The following SLC16A9 variants were observed in gnomAD, a reference collection of about 807,000 sequenced individuals.
The protein encoded by SLC16A9 is monocarboxylate transporter 9.
A neutral mutation model predicts 44.3 loss-of-function variants in SLC16A9; 26 were observed. The observed-to-expected ratio is 0.59, with a 90% confidence interval of 0.43 to 0.81. The LOEUF is 0.81. SLC16A9 is among the 40% of genes least tolerant of loss of function. The pLI, the probability that SLC16A9 is intolerant of heterozygous loss-of-function variation, is 0.00. For synonymous variants in SLC16A9, 230 were observed against 225.1 expected (o/e 1.02, Z -0.19); for missense variants, 559 against 595.8 (o/e 0.94, Z 0.64).
Position 59,654,588 on chromosome 10 carries a change from A to T in SLC16A9, c.438T>A (p.Gly146=), listed in dbSNP as rs1388601804. ...RGLALGLIST[G]SSVGLFIYAA... ...CATATATGAAAAGGCCAACGCTTGAACCTAAAAAGGGAATGGGAACTGTTC... is the reference window on the plus strand; with the variant it reads ...CATATATGAAAAGGCCAACGCTTGATCCTAAAAAGGGAATGGGAACTGTTC... Residue 146 remains glycine, a splice_region_variant and synonymous_variant, in exon 5 of 6, where the codon GGT becomes GGA. Coordinates refer to ENST00000395348, the MANE Select transcript of SLC16A9 (RefSeq NM_194298.3). 1.2e-5 allele frequency: 19 copies of T among 1,566,794 alleles called. No individual in the cohort carries two copies. Among genetic ancestry groups the T allele is most frequent in the Non-Finnish European group, 1.5e-5 (18 of 1,163,116 alleles).
At chr10:59,689,627 C>T (rs903147994) in intron 1 of SLC16A9, among the ~76,000 whole-genome samples, 3 of 152,266 alleles carry the variant, frequency 2.0e-5, no homozygotes, top group Non-Finnish European at 4.4e-5. Context: ...CTAGAGATAC[C>T]GAAGCCTGGT....
intron 1 of SLC16A9, among the ~76,000 whole-genome samples, chr10:59,691,215 G>T (rs1028087285): frequency 6.6e-6 from 1 of 152,206 alleles, no homozygotes. Context: ...ATGAAAATGT[G>T]TTTCTAAGAA....
chr10:59,694,028 C>T (rs1445775617), intron 1 of SLC16A9, among the ~76,000 whole-genome samples: 2 of 151,960 alleles, frequency 1.3e-5, no homozygotes, highest in Admixed American at 1.3e-4. Context: ...AGCTCCGCCT[C>T]CCGGGTTCAG....
chr10:59,684,164 G>T lies in SLC16A9; in HGVS notation c.128C>A (p.Ala43Asp), dbSNP rs752279993. 6.2e-7 allele frequency: 1 copy of T among 1,613,712 alleles called. No individual in the cohort carries two copies. Among genetic ancestry groups the T allele is most frequent in the Admixed American group, 1.7e-5 (1 of 59,970 alleles). The change falls in exon 2 of 6, where the codon GCC becomes GAC. Residue 43 changes from alanine (A) to aspartate (D), a missense_variant. Physicochemically the swap from Ala to Asp is moderately radical, Grantham distance 126 (BLOSUM62 -2). Coordinates refer to ENST00000395348, the MANE Select transcript of SLC16A9 (RefSeq NM_194298.3). Reference sequence around the variant, plus strand: ...TGTTTTTCCTTTTCCTTCACCAAAGGCATCCAGCCATTCTATGTACAGGAC... The same window carrying T: ...TGTTTTTCCTTTTCCTTCACCAAAGTCATCCAGCCATTCTATGTACAGGAC... ...VGVLYIEWLD[A>D]FGEGKGKTAW...
chr10:59,681,380 C>A, intron 2 of SLC16A9, among the ~76,000 whole-genome samples: 1 of 149,368 alleles, frequency 6.7e-6, no homozygotes, highest in Non-Finnish European at 1.5e-5. Flanking sequence ...TATGCTGAAA[C>A]TTGTACACAA....
intron 1 of SLC16A9, among the ~76,000 whole-genome samples, chr10:59,696,142 C>T (rs1249412874): frequency 6.6e-6 from 1 of 152,162 alleles, no homozygotes; most frequent in Non-Finnish European, 1.5e-5. Flanking sequence ...CACGGTCTCC[C>T]TCTGATGCCC....
chr10:59,709,896 A>AGGC (rs1307371449), upstream of SLC16A9: 1 of 153,156 alleles, frequency 6.5e-6, no homozygotes, highest in Non-Finnish European at 1.4e-5. Context: ...GAGGAGGAGG[A>AGGC]GGCGGAGGAG....
At chr10:59,661,647 A>G (rs1839477538) in intron 4 of SLC16A9, among the ~76,000 whole-genome samples, 1 of 152,188 alleles carries the variant, frequency 6.6e-6, no homozygotes, top group Non-Finnish European at 1.5e-5. Flanking sequence ...GAAAAAAACT[A>G]CTTTAAATTT....
intron 1 of SLC16A9, among the ~76,000 whole-genome samples, chr10:59,687,291 A>G (rs1005630171): frequency 6.6e-6 from 1 of 152,212 alleles, no homozygotes; most frequent in African/African-American, 2.4e-5. Context: ...TCTTGTTCTT[A>G]ACTTTAGTGG....
intron 3 of SLC16A9, among the ~76,000 whole-genome samples, chr10:59,671,924 AT>A (rs1839759081): frequency 6.6e-6 from 1 of 152,240 alleles, no homozygotes; most frequent in Non-Finnish European, 1.5e-5. Flanking sequence ...TCCCTAGCAT[AT>A]GATAAGTACA....
intron 2 of SLC16A9, among the ~76,000 whole-genome samples, chr10:59,682,041 G>T (rs1456798175): frequency 6.6e-6 from 1 of 151,904 alleles, no homozygotes; most frequent in Non-Finnish European, 1.5e-5. Context: ...AAAGGCAGTG[G>T]ACCTAGAGAG....
intron 1 of SLC16A9, among the ~76,000 whole-genome samples, chr10:59,704,194 C>G (rs1840590178): frequency 6.6e-6 from 1 of 152,166 alleles, no homozygotes; most frequent in African/African-American, 2.4e-5. Context: ...CCAGGTCCTT[C>G]TACTCCCTAA....
At chr10:59,703,725 CG>C (rs770347317) in intron 1 of SLC16A9, among the ~76,000 whole-genome samples, 5 of 145,922 alleles carry the variant, frequency 3.4e-5, no homozygotes, top group Admixed American at 6.9e-5. Flanking sequence ...TTTTTTTTTT[CG>C]TTTTTTTTTT....
At position 59,671,233 on chromosome 10, in the gene SLC16A9, C is replaced by T. The variant is rs371318279; in HGVS notation, c.340+1537G>A. On this transcript the variant is annotated intron_variant, in intron 3 of 5. Coordinates refer to ENST00000395348, the MANE Select transcript of SLC16A9 (RefSeq NM_194298.3). ...CCTATTGCCAAATCAGAGCTATGTACATCCTCAGACCTGAGCCTGTTTTCT... is the reference window on the plus strand; with the variant it reads ...CCTATTGCCAAATCAGAGCTATGTATATCCTCAGACCTGAGCCTGTTTTCT... Among the ~76,000 whole-genome samples, 3 of 152,176 alleles carry T rather than the reference C, an allele frequency of 2.0e-5. No homozygotes were observed. The East Asian group carries it at 5.8e-4, about 29-fold the overall frequency.
rs374460830 is a variant in SLC16A9, at chr10:59,652,724, G to A, written c.*48C>T. On this transcript the variant is annotated 3_prime_UTR_variant, in exon 6 of 6. Transcript: ENST00000395348. ...TTGCTTGAGAATCTGTTAAAATATC[G>A]TTGCTATATGGTATAAAATAGCAAA... 235 of 1,466,408 alleles carry A rather than the reference G, an allele frequency of 1.6e-4. No homozygotes were observed. Among genetic ancestry groups the A allele is most frequent in the Non-Finnish European group, 2.0e-4 (220 of 1,095,792 alleles). 90.8% of individuals were successfully genotyped at this position (1,466,408 alleles called of 1,614,324 possible). A position where few individuals can be genotyped will look rare whatever the true frequency, so the allele number is the denominator to read the frequency against.
chr10:59,687,809 A>G (rs1255940925), intron 1 of SLC16A9, among the ~76,000 whole-genome samples: 1 of 152,108 alleles, frequency 6.6e-6, no homozygotes. Context: ...AAAAAATACA[A>G]AAATTAGACT....
chr10:59,682,066 A>G (rs963200468), intron 2 of SLC16A9, among the ~76,000 whole-genome samples: 1 of 152,060 alleles, frequency 6.6e-6, no homozygotes, highest in Non-Finnish European at 1.5e-5. Context: ...AGTGACTTGC[A>G]TAAGGTCACT....
At position 59,707,482 on chromosome 10, in the gene SLC16A9, CA is replaced by C. The variant is rs367924657; in HGVS notation, c.-37+1996del. Among the ~76,000 whole-genome samples, 627 of 148,190 alleles carry C rather than the reference CA, an allele frequency of 4.2e-3. 3 individuals carry two copies. Among genetic ancestry groups the C allele is most frequent in the African/African-American group, 0.015 (584 of 40,100 alleles). On this transcript the variant is annotated intron_variant, in intron 1 of 5. Coordinates refer to ENST00000395348, the MANE Select transcript of SLC16A9 (RefSeq NM_194298.3). Reference sequence around the variant, plus strand: ...ATACAAAATTTCAGTTAGATAGGAGCAATAAGTTTAAGAGATCTATTGTGCA... The same window carrying C: ...ATACAAAATTTCAGTTAGATAGGAGCATAAGTTTAAGAGATCTATTGTGCA...
At chr10:59,694,924 G>A (rs1411021734) in intron 1 of SLC16A9, among the ~76,000 whole-genome samples, 2 of 149,786 alleles carry the variant, frequency 1.3e-5, no homozygotes, top group Non-Finnish European at 3.0e-5. Flanking sequence ...ATCAACTGAT[G>A]AATGGATAAA....
Sources: gnomAD v4.1 joint callset for allele counts (sites outside exome capture counted in the v4.1 genomes callset) on GRCh38, gnomAD v4.1.1 for gene constraint, MANE v1.5 for transcripts, NCBI Gene and HGNC (gene_info 2026-07-23, HGNC 2026-07-21) for gene names.